Variants in SORCS2 observed in about 807,000 individuals in gnomAD.
SORCS2 encodes the protein VPS10 domain-containing receptor SorCS2.
A neutral mutation model predicts 141.6 loss-of-function variants in SORCS2; 100 were observed. The ratio of observed to expected loss-of-function variants is 0.71; its 90% CI spans 0.60 to 0.83. The LOEUF (loss-of-function observed/expected upper bound fraction) is 0.83, where lower values mean the gene tolerates loss of function less well. Among genes scored for constraint, SORCS2 ranks in the 40% least tolerant of loss-of-function variants. The probability of loss-of-function intolerance (pLI) is 0.00; values close to 1 mark genes in which losing one functional copy is unlikely to be tolerated. For synonymous variants in SORCS2, 789 were observed against 676.9 expected, an observed-to-expected ratio of 1.17 and a Z score of -2.57; for missense variants, 1,646 against 1,560.2, an observed-to-expected ratio of 1.05 and a Z score of -0.93.
chr4:7,390,443 G>A (rs1240765925), intron 1 of SORCS2, among the ~76,000 whole-genome samples: 1 of 152,192 alleles, frequency 6.6e-6, no homozygotes, highest in East Asian at 1.9e-4. Context: ...AGGCGATGCC[G>A]AGTGCTCCTG....
At chr4:7,502,362 G>A (rs1732024818) in intron 2 of SORCS2, among the ~76,000 whole-genome samples, 1 of 152,350 alleles carries the variant, frequency 6.6e-6, no homozygotes, top group Middle Eastern at 3.4e-3. Context: ...TCCCCATGGG[G>A]CTGATTGATG....
chr4:7,638,659 T>C (rs1720431335), intron 4 of SORCS2, among the ~76,000 whole-genome samples, 167 bp downstream of exon 4: 1 of 152,078 alleles, frequency 6.6e-6, no homozygotes, highest in South Asian at 2.1e-4. Flanking sequence ...CATCGCCCTC[T>C]CCTTGGTGCC....
rs553536451 is a variant in SORCS2, at chr4:7,332,147, G to C, written c.481-64141G>C. On this transcript the variant is annotated intron_variant, in intron 1 of 26. Coordinates refer to ENST00000507866, the MANE Select transcript of SORCS2 (RefSeq NM_020777.3). ...TTTCCTTTGTCCTTGCTACAGGAGA[G>C]CATCCTTATCTTTGCTCCTTCAGTG... 4.6e-4 allele frequency among the ~76,000 whole-genome samples: 70 copies of C among 152,332 alleles called. 2 individuals are homozygous for C. In the South Asian group the frequency reaches 0.014, roughly 32 times the overall value.
intron 3 of SORCS2, among the ~76,000 whole-genome samples, chr4:7,611,457 C>T (rs539004920): frequency 1.8e-4 from 28 of 152,288 alleles, no homozygotes; most frequent in South Asian, 1.5e-3. Context: ...CTGCCCAGCA[C>T]GGTGCCCAGC....
At chr4:7,395,364 GTTCCCATC>G in intron 1 of SORCS2, among the ~76,000 whole-genome samples, 1 of 152,330 alleles carries the variant, frequency 6.6e-6, no homozygotes, top group African/African-American at 2.4e-5. Flanking sequence ...ACCCAAAGCT[GTTCCCATC>G]TTACCTCCCG....
intron 2 of SORCS2, among the ~76,000 whole-genome samples, chr4:7,440,202 G>A (rs1424062801): frequency 6.6e-6 from 1 of 152,198 alleles, no homozygotes; most frequent in African/African-American, 2.4e-5. Context: ...TGGAATTAGG[G>A]AGCGGGGGAG....
intron 1 of SORCS2, among the ~76,000 whole-genome samples, chr4:7,196,980 A>G (rs1351513612): frequency 6.6e-6 from 1 of 152,194 alleles, no homozygotes; most frequent in Non-Finnish European, 1.5e-5. Flanking sequence ...GGGCAGGTGA[A>G]TTCTCTTTCT....
chr4:7,714,206 C>G lies in SORCS2; in HGVS notation c.1990-34C>G, dbSNP rs775212586. ...GCCTTGTAGAGCAGTTGCCCTGTCTCAGGCAGCTCCTTACCCTGATGTTCC... is the reference window on the plus strand; with the variant it reads ...GCCTTGTAGAGCAGTTGCCCTGTCTGAGGCAGCTCCTTACCCTGATGTTCC... On this transcript the variant is annotated intron_variant, in intron 15 of 26. Transcript: ENST00000507866. 5 of 1,597,514 alleles carry G rather than the reference C, an allele frequency of 3.1e-6. No individual in the cohort carries two copies. The East Asian group carries it at 6.8e-5, about 22-fold the overall frequency.
In SORCS2 at chr4:7,434,655, G is replaced by A. The variant is rs1346277121; in HGVS notation, c.548+38300G>A. 3 of 1,612,768 alleles carry A rather than the reference G, an allele frequency of 1.9e-6. No individual in the cohort carries two copies. In the South Asian group the frequency reaches 3.3e-5, roughly 18 times the overall value. On this transcript the variant is annotated intron_variant, in intron 2 of 26. Transcript: ENST00000507866. Reference sequence around the variant, plus strand: ...CCGTGGCGTCAGGGTTCAGCCCATTGCCAGCGGCGGCTGCTATGTCCTGGC... The same window carrying A: ...CCGTGGCGTCAGGGTTCAGCCCATTACCAGCGGCGGCTGCTATGTCCTGGC...
chr4:7,716,782 T>A (rs1008367140), intron 17 of SORCS2, among the ~76,000 whole-genome samples: 1 of 152,244 alleles, frequency 6.6e-6, no homozygotes, highest in Non-Finnish European at 1.5e-5. Context: ...CACCTGGGCT[T>A]GACAACAGGG....
chr4:7,588,677 A>T (rs1034129606), intron 3 of SORCS2, among the ~76,000 whole-genome samples: 1 of 152,126 alleles, frequency 6.6e-6, no homozygotes, highest in South Asian at 2.1e-4. Flanking sequence ...TTCCTGGAAA[A>T]CTGGAGTTGG....
rs553866470 is a variant in SORCS2 at position 7,475,633 on chromosome 4, G to A, written c.549-55897G>A. On this transcript the variant is annotated intron_variant, in intron 2 of 26. Coordinates refer to ENST00000507866, the MANE Select transcript of SORCS2 (RefSeq NM_020777.3). ...AGACATGAAGAATACATCTGAAGAG[G>A]AATCAGAACTCGTGACTGTGTGTGC... 3.3e-5 allele frequency among the ~76,000 whole-genome samples: 5 copies of A among 152,332 alleles called. No individual in the cohort carries two copies. The South Asian group carries it at 1.0e-3, about 32-fold the overall frequency.
rs924929377 is a variant in SORCS2, at chr4:7,385,842, A to T, written c.481-10446A>T. Among the ~76,000 whole-genome samples, 7 of 152,204 alleles carry T rather than the reference A, an allele frequency of 4.6e-5. No individual in the cohort carries two copies. The East Asian group carries it at 1.3e-3, about 29-fold the overall frequency. ...GCCTCGATTGGGACCAGATGTCTGA[A>T]GTGGCCCTTGCTGGGGGAGAAAGGA... On this transcript the variant is annotated intron_variant, in intron 1 of 26. Coordinates refer to ENST00000507866, the MANE Select transcript of SORCS2 (RefSeq NM_020777.3).
chr4:7,434,330 A>G, intron 2 of SORCS2: 3 of 1,611,036 alleles, frequency 1.9e-6, no homozygotes, highest in Non-Finnish European at 2.5e-6. Flanking sequence ...CAGTCTTGGC[A>G]CAGAGCTCCT....
intron 1 of SORCS2, among the ~76,000 whole-genome samples, chr4:7,213,345 G>A (rs936973599): frequency 2.0e-5 from 3 of 152,234 alleles, no homozygotes; most frequent in East Asian, 1.9e-4. Flanking sequence ...TCTTGGGAGA[G>A]CTGGGACCTT....
chr4:7,711,790 G>A (rs1037920752), intron 14 of SORCS2, among the ~76,000 whole-genome samples: 5 of 152,212 alleles, frequency 3.3e-5, no homozygotes, highest in Non-Finnish European at 7.3e-5. Context: ...TAAAACGGGC[G>A]GACCCGGCCT....
chr4:7,539,678 C>CAACCCCCGTTATG (rs1234528255), intron 3 of SORCS2, among the ~76,000 whole-genome samples: 2 of 152,114 alleles, frequency 1.3e-5, no homozygotes, highest in South Asian at 4.1e-4. Context: ...TGCAAGGCCC[C>CAACCCCCGTTATG]GACCCCCGTT....
At chr4:7,689,720 T>C in intron 11 of SORCS2, 132 bp downstream of exon 11, 1 of 797,930 alleles carries the variant, frequency 1.3e-6, no homozygotes, top group South Asian at 2.1e-5. Context: ...TACCACTGCA[T>C]CTCCAGGAAG....
intron 2 of SORCS2, among the ~76,000 whole-genome samples, chr4:7,429,915 G>C (rs904171226): frequency 2.0e-5 from 3 of 152,138 alleles, no homozygotes; most frequent in Non-Finnish European, 2.9e-5. Context: ...GACTGTGGGA[G>C]GTGGGCCATG....
Sources: allele counts gnomAD v4.1 joint callset (sites outside exome capture counted in the v4.1 genomes callset), GRCh38; gene constraint gnomAD v4.1.1; transcripts MANE v1.5; gene names NCBI Gene and HGNC (gene_info 2026-07-23, HGNC 2026-07-21).